Variants in SAXO1 observed in about 807,000 individuals in gnomAD.
SAXO1 encodes 4930500O09Rik.
SAXO1 carries 21 observed loss-of-function variants against 17.5 expected under a neutral mutation model. The ratio of observed to expected loss-of-function variants is 1.20; its 90% confidence interval spans 0.85 to 1.72. The LOEUF (loss-of-function observed/expected upper bound fraction) is 1.72. Among genes scored for constraint, SAXO1 ranks in the 40% most tolerant of loss-of-function variants. SAXO1 has a pLI of 0.00. For missense variants in SAXO1, 843 were observed against 596.0 expected, an observed-to-expected ratio of 1.41 and a Z score of -4.32; for synonymous variants, 274 against 216.5, an observed-to-expected ratio of 1.27 and a Z score of -2.33.
At chr9:18,954,191 G>T (rs759233339) in intron 1 of SAXO1, among the ~76,000 whole-genome samples, 1 of 152,110 alleles carries the variant, frequency 6.6e-6, no homozygotes, top group Non-Finnish European at 1.5e-5. Context: ...AGGGGTAAAA[G>T]GACATAACAC....
At chr9:18,984,186 C>T (rs779854948) in intron 1 of SAXO1, among the ~76,000 whole-genome samples, 21 of 152,212 alleles carry the variant, frequency 1.4e-4, no homozygotes, top group Admixed American at 3.3e-4. Context: ...GATGTGCCAT[C>T]ATCCAGGCTT....
At chr9:19,017,527 C>A (rs1055824703) in intron 1 of SAXO1, among the ~76,000 whole-genome samples, 2 of 152,256 alleles carry the variant, frequency 1.3e-5, no homozygotes, top group Admixed American at 1.3e-4. Flanking sequence ...GCCTTAGCGG[C>A]TGGCTCACCA....
At chr9:18,968,542 G>C (rs1469685240) in intron 1 of SAXO1, among the ~76,000 whole-genome samples, 4 of 151,584 alleles carry the variant, frequency 2.6e-5, no homozygotes, top group Admixed American at 2.0e-4. Context: ...AAAACTCCTT[G>C]GATTTTTTGA....
rs1836294252 is a variant in SAXO1, at chr9:19,049,208, C to T, written c.-158+1G>A. ...TTTCCCCCGGCCAACCACACACGTA[C>T]CCCTAGCAACAGCAAACCCAGCTGC... is the stretch of plus-strand genomic sequence containing the variant. On this transcript the variant is annotated splice_donor_variant, in intron 1 of 3. Transcript: ENST00000542071. LOFTEE classifies it low-confidence loss of function (5UTR_SPLICE). This position sits in a 1 kb window ranked among gnomAD's most constrained non-coding sequence, Gnocchi z 5.4. 2 of 156,568 alleles carry T rather than the reference C, an allele frequency of 1.3e-5. No homozygotes were observed. The highest frequency in any genetic ancestry group is 2.4e-5 in the African/African-American group (1 of 41,506). The allele number at this position is 156,568 out of a possible 1,614,324, so 9.7% of individuals were successfully genotyped here.
chr9:18,946,811 T>C (rs1234147092), intron 2 of SAXO1, among the ~76,000 whole-genome samples: 1 of 152,032 alleles, frequency 6.6e-6, no homozygotes, highest in Non-Finnish European at 1.5e-5. Flanking sequence ...ATAGAAACTA[T>C]ATAAAACAAG....
chr9:18,967,226 G>A (rs1235094750), intron 1 of SAXO1, among the ~76,000 whole-genome samples: 1 of 152,014 alleles, frequency 6.6e-6, no homozygotes, highest in Non-Finnish European at 1.5e-5. Flanking sequence ...CTGGGGGTCA[G>A]GGACCCACTT....
Position 18,982,015 on chromosome 9 carries a change from G to A in SAXO1, c.39-31078C>T, listed in dbSNP as rs1833407331. On this transcript the variant is annotated intron_variant, in intron 1 of 3. Coordinates refer to ENST00000380534, the MANE Select transcript of SAXO1 (RefSeq NM_153707.4). ...GGCTCCTTGCTCTCTAGGCCTCCCA[G>A]ACCACGCCAGAGCGACCAGTACCCT... Among the ~76,000 whole-genome samples, 5 of 152,146 alleles carry A rather than the reference G, an allele frequency of 3.3e-5. No homozygotes were observed. In the South Asian group the frequency reaches 1.0e-3, roughly 32 times the overall value.
intron 1 of SAXO1, among the ~76,000 whole-genome samples, chr9:19,042,934 G>A (rs1167447784): frequency 6.6e-6 from 1 of 152,350 alleles, no homozygotes; most frequent in Non-Finnish European, 1.5e-5. Flanking sequence ...CACTTTGTGA[G>A]GCCAAGGCGG....
Position 19,027,445 on chromosome 9 carries a change from ACT to A in SAXO1, c.38+5424_38+5425del, listed in dbSNP as rs1159139380. ...GCAGATCCAGGAACTGGTGGAGGCC[ACT>A]GTCTTGTCAATGAACCACAAGGAGA... On this transcript the variant is annotated intron_variant, in intron 1 of 3. Coordinates refer to ENST00000380534, the MANE Select transcript of SAXO1 (RefSeq NM_153707.4). The A allele has an allele frequency of 3.9e-6, 3 of 762,812 alleles. No homozygotes were observed. In the African/African-American group the frequency reaches 5.1e-5, roughly 13 times the overall value. 47.3% of individuals were successfully genotyped at this position (762,812 alleles called of 1,614,324 possible).
chr9:19,000,175 C>CAA (rs1834197256), intron 1 of SAXO1, among the ~76,000 whole-genome samples: 1 of 128,958 alleles, frequency 7.8e-6, no homozygotes, highest in South Asian at 2.5e-4. Context: ...TGGCCGCCAC[C>CAA]CTGTCTGGGA....
At position 18,950,870 on chromosome 9, in the gene SAXO1, C is replaced by T. The variant is rs758366545; in HGVS notation, c.106G>A (p.Glu36Lys). 16 of 1,613,410 alleles carry T rather than the reference C, an allele frequency of 9.9e-6. No individual in the cohort carries two copies. The highest frequency in any genetic ancestry group is 1.7e-4 in the Middle Eastern group (1 of 6,022). The stretch of plus-strand genomic sequence containing the variant: ...TAGAAAGGGTAGTTCTCGGTATATT[C>T]GGAGAGAAGACATGGTTTCTCTGTT... The part of the protein sequence containing the change: ...DKTEKPCLLS[E>K]YTENYPFYHS... Residue 36 changes from glutamate (E) to lysine (K), a missense_variant, in exon 2 of 4, where the codon GAA becomes AAA. Physicochemically the swap from Glu to Lys is moderately conservative, Grantham distance 56. Transcript: ENST00000380534.
intron 1 of SAXO1, among the ~76,000 whole-genome samples, chr9:19,016,832 A>G (rs1047276243): frequency 1.7e-5 from 2 of 118,066 alleles, no homozygotes; most frequent in Admixed American, 1.8e-4. Context: ...GCTACCTAAC[A>G]TTTTTTGAGA....
At position 18,927,974 on chromosome 9, in the gene SAXO1, C is replaced by A. The variant is rs1377424683; in HGVS notation, c.*78G>T. The A allele has an allele frequency of 2.8e-6, 4 of 1,429,854 alleles. No individual in the cohort carries two copies. In the East Asian group the frequency reaches 9.4e-5, roughly 34 times the overall value. The allele number at this position is 1,429,854 out of a possible 1,614,324, so 88.6% of individuals were successfully genotyped here. A position where few individuals can be genotyped will look rare whatever the true frequency, so the allele number is the denominator to read the frequency against. ...TTGTTTTTTGTCATTTTAGGGAATT[C>A]TTTTTTGTCCAACAAATAATTCTCA... On this transcript the variant is annotated 3_prime_UTR_variant, in exon 4 of 4. Transcript: ENST00000380534.
chr9:18,985,613 G>C (rs1833560382), intron 1 of SAXO1, among the ~76,000 whole-genome samples: 1 of 152,092 alleles, frequency 6.6e-6, no homozygotes, highest in South Asian at 2.1e-4. Flanking sequence ...CCCAAGGATG[G>C]GCAGAGACCC....
In SAXO1 at chr9:18,928,804, CTGCTTCA is replaced by C; in HGVS notation, c.666_672del (p.His222GlnfsTer24). 1 of 1,614,168 alleles carries C rather than the reference CTGCTTCA, an allele frequency of 6.2e-7. No individual in the cohort carries two copies. The highest frequency in any genetic ancestry group is 8.5e-7 in the Non-Finnish European group (1 of 1,180,040). On this transcript the variant is annotated frameshift_variant, in exon 4 of 4. Coordinates refer to ENST00000380534, the MANE Select transcript of SAXO1 (RefSeq NM_153707.4). LOFTEE classifies it low-confidence loss of function (END_TRUNC). ...GGGATTTCACAGGGCCTGAACTTCT[CTGCTTCA>C]TGCACAAAGCGCTTCTCCACGGGGT...
chr9:19,036,254 TAA>T (rs66796545), upstream of SAXO1, among the ~76,000 whole-genome samples: 60,387 of 119,670 alleles, frequency 0.5, 12,685 homozygotes, highest in African/African-American at 0.54. Flanking sequence ...TAAAGTATAA[TAA>T]AAAAAAAAAA....
intron 1 of SAXO1, among the ~76,000 whole-genome samples, chr9:19,007,634 A>T (rs370976056): frequency 6.6e-5 from 10 of 152,224 alleles, no homozygotes; most frequent in African/African-American, 2.4e-4. Context: ...TCATTTCTAC[A>T]ATCACCATCT....
At chr9:19,048,482 TAGATAC>T (rs1836274594) in intron 1 of SAXO1, among the ~76,000 whole-genome samples, 1 of 151,578 alleles carries the variant, frequency 6.6e-6, no homozygotes, top group African/African-American at 2.4e-5. Flanking sequence ...GACTTTAAGG[TAGATAC>T]AGAGGCTTCA....
intron 1 of SAXO1, among the ~76,000 whole-genome samples, chr9:19,022,014 T>C (rs1015639647): frequency 1.3e-5 from 2 of 152,266 alleles, no homozygotes; most frequent in African/African-American, 4.8e-5. Context: ...GTGGAAGCTT[T>C]GTTCTTTTGC....
Sources: allele counts gnomAD v4.1 joint callset (sites outside exome capture counted in the v4.1 genomes callset), GRCh38; gene constraint gnomAD v4.1.1; non-coding constraint Gnocchi (gnomAD v3.1); transcripts MANE v1.5; gene names NCBI Gene and HGNC (gene_info 2026-07-23, HGNC 2026-07-21).